TPRG1: variants seen among roughly 807,000 people sequenced by gnomAD.
The protein encoded by TPRG1 is tumor protein p63-regulated gene 1 protein.
Under a neutral mutation model 29.3 loss-of-function variants are expected in TPRG1, and 29 were observed. The ratio of observed to expected loss-of-function variants is 0.99; its 90% CI spans 0.74 to 1.35. TPRG1 has a LOEUF of 1.35. Among genes scored for constraint, TPRG1 ranks in the 40% most tolerant of loss-of-function variants. The probability of loss-of-function intolerance (pLI) is 0.00; values close to 1 mark genes in which losing one functional copy is unlikely to be tolerated. For synonymous variants in TPRG1, 130 were observed against 116.8 expected (o/e 1.11, Z -0.73); for missense variants, 327 against 335.0 (o/e 0.98, Z 0.19).
At chr3:189,242,609 A>G (rs1276753086) in intron 4 of TPRG1, among the ~76,000 whole-genome samples, 7 of 152,044 alleles carry the variant, frequency 4.6e-5, no homozygotes. Flanking sequence ...CTAGGTTTTC[A>G]TATTTTGGCT....
At chr3:189,298,245 C>G (rs1413216294) in intron 4 of TPRG1, among the ~76,000 whole-genome samples, 2 of 152,118 alleles carry the variant, frequency 1.3e-5, no homozygotes, top group Non-Finnish European at 2.9e-5. Flanking sequence ...GCCTGAATTT[C>G]TGATTTAACA....
chr3:189,218,945 A>T (rs1350685596), intron 3 of TPRG1, among the ~76,000 whole-genome samples: 1 of 152,190 alleles, frequency 6.6e-6, no homozygotes, highest in African/African-American at 2.4e-5. Context: ...GGGCCTTTGC[A>T]TCATGTTAAA....
chr3:189,064,198 C>G (rs978499782), intron 4 of TPRG1, among the ~76,000 whole-genome samples: 1 of 152,094 alleles, frequency 6.6e-6, no homozygotes, highest in Non-Finnish European at 1.5e-5. Context: ...AGATCCAGGT[C>G]CCCAAAGGAA....
At position 189,293,404 on chromosome 3, in the gene TPRG1, T is replaced by C. The variant is rs192527302; in HGVS notation, c.480-16982T>C. ...ACTGAGGGTTTCCTGATCTGGGACCTGGATAACTAAAGGCTCTCTCACCCC... is the reference window on the plus strand; with the variant it reads ...ACTGAGGGTTTCCTGATCTGGGACCCGGATAACTAAAGGCTCTCTCACCCC... On this transcript the variant is annotated intron_variant, in intron 4 of 5. Transcript: ENST00000345063. 2.4e-4 allele frequency among the ~76,000 whole-genome samples: 36 copies of C among 152,264 alleles called. No individual in the cohort carries two copies. In the East Asian group the frequency reaches 5.8e-3, roughly 25 times the overall value.
chr3:189,149,161 A>G (rs1725626681), intron 4 of TPRG1, among the ~76,000 whole-genome samples: 1 of 152,152 alleles, frequency 6.6e-6, no homozygotes, highest in African/African-American at 2.4e-5. Context: ...CAAACAATCT[A>G]TATGACCTGG....
intron 4 of TPRG1, among the ~76,000 whole-genome samples, chr3:189,059,971 G>A (rs941170916): frequency 3.3e-5 from 5 of 152,216 alleles, no homozygotes; most frequent in Non-Finnish European, 7.3e-5. Context: ...GGTGGCTTAC[G>A]CCTGTAAGCC....
chr3:189,242,361 T>TTTTATAATTTATGTA (rs145295931), intron 4 of TPRG1, among the ~76,000 whole-genome samples: 19 of 152,074 alleles, frequency 1.2e-4, no homozygotes, highest in African/African-American at 4.6e-4. Flanking sequence ...ATTAATCGTT[T>TTTTATAATTTATGTA]TTTATTTATG....
intron 4 of TPRG1, among the ~76,000 whole-genome samples, chr3:189,083,639 T>C (rs1717748441): frequency 6.6e-6 from 1 of 152,238 alleles, no homozygotes; most frequent in Non-Finnish European, 1.5e-5. Context: ...TCTAACAGAA[T>C]TAACCTCCCA....
At chr3:189,030,081 T>G (rs1713855160) in intron 4 of TPRG1, among the ~76,000 whole-genome samples, 1 of 152,194 alleles carries the variant, frequency 6.6e-6, no homozygotes, top group Admixed American at 6.5e-5. Flanking sequence ...GTTTCTTCTC[T>G]TTTTCTATGC....
chr3:189,094,965 C>T (rs368558582), intron 4 of TPRG1, among the ~76,000 whole-genome samples: 9 of 152,286 alleles, frequency 5.9e-5, no homozygotes, highest in African/African-American at 2.2e-4. Context: ...TTTACAGAGG[C>T]ACTCTCCGTT....
upstream of TPRG1, among the ~76,000 whole-genome samples, chr3:189,096,234 G>C (rs1211022360): frequency 6.6e-6 from 1 of 152,172 alleles, no homozygotes; most frequent in Non-Finnish European, 1.5e-5. Context: ...TCTTCCCCCT[G>C]CTTGGGAGGC....
At chr3:189,307,321 G>A (rs1721789516) in intron 4 of TPRG1, among the ~76,000 whole-genome samples, 1 of 152,146 alleles carries the variant, frequency 6.6e-6, no homozygotes, top group Admixed American at 6.5e-5. Context: ...ACCGCACCTG[G>A]CCAAAGACCC....
chr3:189,069,497 G>A (rs1259060505), intron 4 of TPRG1, among the ~76,000 whole-genome samples: 2 of 152,054 alleles, frequency 1.3e-5, no homozygotes, highest in African/African-American at 4.8e-5. Context: ...TTACTTTTGG[G>A]GGAGACTGGA....
intron 4 of TPRG1, among the ~76,000 whole-genome samples, chr3:189,034,970 G>A (rs1032533787): frequency 1.7e-4 from 26 of 152,208 alleles, no homozygotes; most frequent in African/African-American, 5.3e-4. Context: ...AAAAGAGCCT[G>A]AATAGACAAA....
intron 3 of TPRG1, among the ~76,000 whole-genome samples, chr3:189,141,598 T>C (rs759350031): frequency 2.0e-5 from 3 of 152,190 alleles, no homozygotes; most frequent in Non-Finnish European, 2.9e-5. Flanking sequence ...TACATTACTA[T>C]GGAATAAGTG....
chr3:189,107,671 C>T (rs1719986553), intron 1 of TPRG1, among the ~76,000 whole-genome samples: 1 of 152,128 alleles, frequency 6.6e-6, no homozygotes, highest in Non-Finnish European at 1.5e-5. Flanking sequence ...GATCCTATTA[C>T]AGTCACATTA....
intron 5 of TPRG1, among the ~76,000 whole-genome samples, chr3:189,312,303 A>G (rs184370326): frequency 1.5e-3 from 226 of 150,836 alleles, no homozygotes; most frequent in African/African-American, 5.2e-3. Flanking sequence ...CCGGGTTCAC[A>G]TCATTCTCCT....
intron 4 of TPRG1, among the ~76,000 whole-genome samples, chr3:189,281,744 C>T (rs1717168057): frequency 1.3e-5 from 2 of 152,298 alleles, no homozygotes; most frequent in South Asian, 2.1e-4. Context: ...AATTTGTCCT[C>T]AATGACTTTA....
At chr3:189,026,156 A>T (rs1413756033) in intron 4 of TPRG1, among the ~76,000 whole-genome samples, 4 of 152,168 alleles carry the variant, frequency 2.6e-5, no homozygotes, top group Admixed American at 2.6e-4. Flanking sequence ...GACTGAAATT[A>T]TGATGCTAAC....
Sources: allele counts gnomAD v4.1 joint callset (sites outside exome capture counted in the v4.1 genomes callset), GRCh38; gene constraint gnomAD v4.1.1; transcripts MANE v1.5; gene names NCBI Gene and HGNC (gene_info 2026-07-23, HGNC 2026-07-21).